The following RHCE variants were observed in gnomAD, a reference collection of about 807,000 sequenced individuals.
RHCE encodes the protein Rh blood group CcEe antigens.
RHCE carries 22 observed loss-of-function variants against 43.8 expected under a neutral mutation model. That is an observed-to-expected ratio of 0.50 (90% CI 0.36 to 0.72). RHCE has a LOEUF of 0.72. RHCE is among the 30% of genes least tolerant of loss of function. The probability of loss-of-function intolerance (pLI) is 0.00; values close to 1 mark genes in which losing one functional copy is unlikely to be tolerated. For synonymous variants in RHCE, 156 were observed against 210.7 expected, an observed-to-expected ratio of 0.74 and a Z score of 2.25; for missense variants, 385 against 525.4, an observed-to-expected ratio of 0.73 and a Z score of 2.61.
At chr1:25,373,301 T>C (rs1428750735) in intron 8 of RHCE, among the ~76,000 whole-genome samples, 1 of 151,654 alleles carries the variant, frequency 6.6e-6, no homozygotes, top group Non-Finnish European at 1.5e-5. Flanking sequence ...TAACAGTGAA[T>C]AGTGTGAGTC....
intron 3 of RHCE, among the ~76,000 whole-genome samples, chr1:25,395,824 C>A (rs1404365435): frequency 3.3e-5 from 5 of 152,110 alleles, no homozygotes; most frequent in African/African-American, 1.2e-4. Flanking sequence ...TAGAAAACCA[C>A]CATTGGCAAT....
chr1:25,407,169 C>A (rs1027794297), intron 2 of RHCE, among the ~76,000 whole-genome samples: 7 of 122,754 alleles, frequency 5.7e-5, no homozygotes, highest in African/African-American at 1.8e-4. Context: ...GTGATCTGCC[C>A]ACCTCAGCTC....
chr1:25,388,816 C>T (rs1646264513), intron 6 of RHCE, among the ~76,000 whole-genome samples, 160 bp downstream of exon 6: 1 of 152,160 alleles, frequency 6.6e-6, no homozygotes, highest in Non-Finnish European at 1.5e-5. Context: ...AACAAATGTG[C>T]CACCGAGCCA....
rs3093658 is a variant in RHCE at position 25,362,301 on chromosome 1, A to G, written c.*226T>C. 6.3e-6 allele frequency: 6 copies of G among 957,400 alleles called. No individual in the cohort carries two copies. The highest frequency in any genetic ancestry group is 9.3e-6 in the Non-Finnish European group (6 of 647,410). 59.3% of individuals were successfully genotyped at this position (957,400 alleles called of 1,614,324 possible). The stretch of plus-strand genomic sequence containing the variant: ...TGTCTGTAACCAAGAAAATATTGAT[A>G]GCATCATCCTAATGAAACTAAACAT... On this transcript the variant is annotated 3_prime_UTR_variant, in exon 10 of 10. Coordinates refer to ENST00000294413, the MANE Select transcript of RHCE (RefSeq NM_020485.8).
intron 1 of RHCE, among the ~76,000 whole-genome samples, chr1:25,429,682 T>C (rs1430482033): frequency 6.6e-6 from 1 of 152,168 alleles, no homozygotes; most frequent in African/African-American, 2.4e-5. Flanking sequence ...ATAGTAACAT[T>C]ATCATCCATA....
intron 1 of RHCE, among the ~76,000 whole-genome samples, chr1:25,418,448 G>C (rs1215228169): frequency 6.6e-6 from 1 of 151,412 alleles, no homozygotes; most frequent in Non-Finnish European, 1.5e-5. Context: ...GATTACAGAC[G>C]TGTGCCACCA....
At chr1:25,377,316 C>T (rs148122051) in intron 7 of RHCE, among the ~76,000 whole-genome samples, 11,991 of 151,820 alleles carry the variant, frequency 0.079, 1,491 homozygotes, top group African/African-American at 0.27. Flanking sequence ...GTGATCTCAG[C>T]CTCCCGAGTA....
intron 1 of RHCE, among the ~76,000 whole-genome samples, chr1:25,418,339 CTT>C (rs1012780457): frequency 4.0e-5 from 6 of 151,364 alleles, no homozygotes; most frequent in African/African-American, 1.5e-4. Flanking sequence ...CTGCTCTCCT[CTT>C]TGTTTTTTGT....
At chr1:25,425,146 A>G (rs755243492), upstream of RHCE, among the ~76,000 whole-genome samples, 4 of 152,140 alleles carry the variant, frequency 2.6e-5, no homozygotes, top group Non-Finnish European at 4.4e-5. Flanking sequence ...GCTTTCCCCT[A>G]TGAGAATCTG....
At chr1:25,424,936 C>T (rs534675583), upstream of RHCE, among the ~76,000 whole-genome samples, 1 of 152,180 alleles carries the variant, frequency 6.6e-6, no homozygotes, top group South Asian at 2.1e-4. Flanking sequence ...CCTTCCTCAG[C>T]CTCCCAAGTA....
rs373789992 is a variant in RHCE at position 25,405,117 on chromosome 1, C to T, written c.336-2371G>A. Among the ~76,000 whole-genome samples, 26 of 150,500 alleles carry T rather than the reference C, an allele frequency of 1.7e-4. No individual in the cohort carries two copies. The South Asian group carries it at 4.4e-3, about 26-fold the overall frequency. ...AGGAGGCTGTAATTCCAGTACTTTT[C>T]GGAGCCGAGGTGGGCAGATCACTTG... On this transcript the variant is annotated intron_variant, in intron 2 of 9. Transcript: ENST00000294413.
intron 2 of RHCE, 96 bp from the exon 3 acceptor site, chr1:25,402,842 A>T: frequency 1.9e-6 from 3 of 1,544,778 alleles, no homozygotes; most frequent in Non-Finnish European, 2.7e-6. Context: ...ACTGTTGGGC[A>T]CCTTACTTTC....
chr1:25,428,448 C>T (rs906242837), intron 2 of RHCE, among the ~76,000 whole-genome samples: 1 of 152,214 alleles, frequency 6.6e-6, no homozygotes, highest in African/African-American at 2.4e-5. Flanking sequence ...GCATTCTGTT[C>T]ATATCCTTTC....
chr1:25,419,436 C>T (rs931189117), intron 1 of RHCE, among the ~76,000 whole-genome samples: 10 of 152,052 alleles, frequency 6.6e-5, no homozygotes, highest in Admixed American at 1.3e-4. Context: ...CTAAGTCCTA[C>T]TTGTCACTGC....
At chr1:25,397,004 C>T (rs1349456397) in intron 3 of RHCE, among the ~76,000 whole-genome samples, 2 of 144,054 alleles carry the variant, frequency 1.4e-5, no homozygotes, top group South Asian at 2.2e-4. Context: ...CCCAGCTACT[C>T]GGGAGGGTGA....
At chr1:25,383,442 C>T (rs961267097) in intron 7 of RHCE, among the ~76,000 whole-genome samples, 1 of 152,182 alleles carries the variant, frequency 6.6e-6, no homozygotes, top group Non-Finnish European at 1.5e-5. Flanking sequence ...CATACTGATG[C>T]AGCATCAGTC....
rs372592703 is a variant in RHCE, at chr1:25,429,696, GAAAATTGGA to G, written c.-137+235_-137+243del. Among the ~76,000 whole-genome samples, 1,308 of 152,224 alleles carry G rather than the reference GAAAATTGGA, an allele frequency of 8.6e-3. 13 individuals are homozygous for G. Among genetic ancestry groups the G allele is most frequent in the African/African-American group, 0.029 (1,194 of 41,528 alleles). On this transcript the variant is annotated intron_variant, in intron 1 of 11. Coordinates refer to the RHCE transcript ENST00000349320. Reference sequence around the variant, plus strand: ...AATAGTAACATTATCATCCATAGGGGAAAATTGGAAAACAAGCAAATACAATAAAATGTC... The same window carrying G: ...AATAGTAACATTATCATCCATAGGGGAAACAAGCAAATACAATAAAATGTC...
chr1:25,385,627 C>T (rs979326245), intron 7 of RHCE, 84 bp downstream of exon 7: 11 of 1,599,192 alleles, frequency 6.9e-6, no homozygotes, highest in African/African-American at 1.3e-5. Flanking sequence ...CGAGTGCACA[C>T]GCCCCAGCTA....
intron 3 of RHCE, among the ~76,000 whole-genome samples, chr1:25,401,937 C>T (rs1646758963): frequency 2.0e-5 from 3 of 151,952 alleles, no homozygotes; most frequent in Admixed American, 1.3e-4. Flanking sequence ...AGTGCAATGG[C>T]GCGATCTCAG....
Sources: allele counts gnomAD v4.1 joint callset (sites outside exome capture counted in the v4.1 genomes callset), GRCh38; gene constraint gnomAD v4.1.1; transcripts MANE v1.5; gene names NCBI Gene and HGNC (gene_info 2026-07-23, HGNC 2026-07-21).